Variants in PLEKHG3 observed in about 807,000 individuals in gnomAD.
PLEKHG3 encodes pleckstrin homology domain-containing family G member 3.
A neutral mutation model predicts 94.9 loss-of-function variants in PLEKHG3; 62 were observed. The ratio of observed to expected loss-of-function variants is 0.65; its 90% CI spans 0.53 to 0.81. The LOEUF is 0.81. Among genes scored for constraint, PLEKHG3 ranks in the 30% least tolerant of loss-of-function variants. The pLI, the probability that PLEKHG3 is intolerant of heterozygous loss-of-function variation, is 0.00. For synonymous variants in PLEKHG3, 614 were observed against 654.0 expected, an observed-to-expected ratio of 0.94 and a Z score of 0.93; for missense variants, 1,461 against 1,619.3, an observed-to-expected ratio of 0.90 and a Z score of 1.68.
intron 1 of PLEKHG3, among the ~76,000 whole-genome samples, chr14:64,711,760 T>C (rs563797224): frequency 6.6e-6 from 1 of 152,334 alleles, no homozygotes; most frequent in South Asian, 2.1e-4. Flanking sequence ...AAGTATACGA[T>C]TTACAGATAT....
intron 1 of PLEKHG3, among the ~76,000 whole-genome samples, chr14:64,710,992 T>G (rs2081059366): frequency 6.6e-6 from 1 of 152,176 alleles, no homozygotes; most frequent in Non-Finnish European, 1.5e-5. Context: ...GTGTAACGGA[T>G]TTTTAAAAGA....
In PLEKHG3 at chr14:64,730,984, G is replaced by A. The variant is rs1479996346; in HGVS notation, c.717+35G>A. The A allele has an allele frequency of 3.1e-6, 5 of 1,613,422 alleles. No individual in the cohort carries two copies. Among genetic ancestry groups the A allele is most frequent in the Non-Finnish European group, 4.2e-6 (5 of 1,179,972 alleles). On this transcript the variant is annotated intron_variant, in intron 6 of 16. Coordinates refer to ENST00000247226, the MANE Select transcript of PLEKHG3 (RefSeq NM_001308147.2). The surrounding 1 kb of genome is among the most constrained non-coding windows in gnomAD (Gnocchi z 5.4). ...CGGTCCTCCCAAGCACCTAGGGCCT[G>A]GGGAGGGCAGGGCCTTCGGGTCAGG...
At position 64,730,458 on chromosome 14, in the gene PLEKHG3, C is replaced by T. The variant is rs1161256797; in HGVS notation, c.519+146C>T. 4 of 745,778 alleles carry T rather than the reference C, an allele frequency of 5.4e-6. No homozygotes were observed. Among genetic ancestry groups the T allele is most frequent in the Non-Finnish European group, 9.1e-6 (4 of 439,204 alleles). The allele number at this position is 745,778 out of a possible 1,614,324, so 46.2% of individuals were successfully genotyped here. A position where few individuals can be genotyped will look rare whatever the true frequency, so the allele number is the denominator to read the frequency against. Reference sequence around the variant, plus strand: ...CTCTATCTTGAATGAGAAGGGTGTTCTGAGGGGAGCCAGGGCTGCTGGGTG... The same window carrying T: ...CTCTATCTTGAATGAGAAGGGTGTTTTGAGGGGAGCCAGGGCTGCTGGGTG... On this transcript the variant is annotated intron_variant, in intron 4 of 16. Coordinates refer to ENST00000247226, the MANE Select transcript of PLEKHG3 (RefSeq NM_001308147.2). This position sits in a 1 kb window ranked among gnomAD's most constrained non-coding sequence, Gnocchi z 5.4.
rs1161665315 is a variant in PLEKHG3 at position 64,731,702 on chromosome 14, C to G, written c.1033-12C>G. ...AACCTTGTGCTTGACTGTCCTTTCC[C>G]TCTGCCCCTAGTGCTCCTCCCTGAT... On this transcript the variant is annotated splice_polypyrimidine_tract_variant and intron_variant, in intron 8 of 16. Transcript: ENST00000247226. The surrounding 1 kb of genome is among the most constrained non-coding windows in gnomAD (Gnocchi z 6.1). 6.2e-7 allele frequency: 1 copy of G among 1,604,880 alleles called. No individual in the cohort carries two copies. Among genetic ancestry groups the G allele is most frequent in the Admixed American group, 1.7e-5 (1 of 60,004 alleles).
At position 64,717,273 on chromosome 14, in the gene PLEKHG3, C is replaced by T. The variant is rs2081184924; in HGVS notation, c.-39-10320C>T. Among the ~76,000 whole-genome samples, 5 of 152,276 alleles carry T rather than the reference C, an allele frequency of 3.3e-5. No homozygotes were observed. In the South Asian group the frequency reaches 1.0e-3, roughly 32 times the overall value. Reference sequence around the variant, plus strand: ...TGGAGCTCTTCTCTTGCTGTATCACCTTCGAAGAAGAGGCGAGGCCTGAGG... The same window carrying T: ...TGGAGCTCTTCTCTTGCTGTATCACTTTCGAAGAAGAGGCGAGGCCTGAGG... On this transcript the variant is annotated intron_variant, in intron 1 of 16. Transcript: ENST00000247226. The surrounding 1 kb of genome is among the most constrained non-coding windows in gnomAD (Gnocchi z 4.7).
chr14:64,729,038 C>G lies in PLEKHG3; in HGVS notation c.394C>G (p.Pro132Ala). 1 of 1,529,180 alleles carries G rather than the reference C, an allele frequency of 6.5e-7. No homozygotes were observed. Among genetic ancestry groups the G allele is most frequent in the Non-Finnish European group, 8.8e-7 (1 of 1,140,870 alleles). 94.7% of individuals were successfully genotyped at this position (1,529,180 alleles called of 1,614,324 possible). Residue 132 changes from proline (P) to alanine (A), a missense_variant, in exon 3 of 17, where the codon CCA (proline) becomes GCA (alanine). Physicochemically the swap from Pro to Ala is conservative, Grantham distance 27. This residue lies in a region of PLEKHG3 where 253 missense variants were observed against 297.8 expected (regional missense o/e 0.85). Coordinates refer to ENST00000247226, the MANE Select transcript of PLEKHG3 (RefSeq NM_001308147.2). ...CATTGACACACCCGGGCTGCTGAAG[C>G]CAGAACAGGTCAGCGCCCTCTTTGG... Reference protein sequence around the residue: ...KIIDTPGLLKPEQVSALFGNI... With the variant: ...KIIDTPGLLKAEQVSALFGNI...
chr14:64,732,050 C>A lies in PLEKHG3; in HGVS notation c.1126-45C>A. 1 of 1,385,224 alleles carries A rather than the reference C, an allele frequency of 7.2e-7. No individual in the cohort carries two copies. Among genetic ancestry groups the A allele is most frequent in the Non-Finnish European group, 1.0e-6 (1 of 971,114 alleles). 85.8% of individuals were successfully genotyped at this position (1,385,224 alleles called of 1,614,324 possible). ...ACTGTCCATGCTAGACAGCTTCAGG[C>A]CTGTAATGATAACCACTGGGTCCCT... On this transcript the variant is annotated intron_variant, in intron 9 of 16. Coordinates refer to ENST00000247226, the MANE Select transcript of PLEKHG3 (RefSeq NM_001308147.2). This position sits in a 1 kb window ranked among gnomAD's most constrained non-coding sequence, Gnocchi z 4.9.
chr14:64,736,829 C>T (rs1484137553), intron 12 of PLEKHG3, 24 bp from the exon 13 acceptor site: 1 of 1,602,100 alleles, frequency 6.2e-7, no homozygotes, highest in Admixed American at 1.7e-5. Flanking sequence ...CCCGCGCTGA[C>T]TCTGCTCATG....
In PLEKHG3 at chr14:64,727,729, G is replaced by T; in HGVS notation, c.98G>T (p.Arg33Leu). Residue 33 changes from arginine (R) to leucine (L), a missense_variant, in exon 2 of 17, where the codon CGC (arginine) becomes CTC (leucine). Arg to Leu is a moderately radical substitution (Grantham distance 102). This residue lies in a region of PLEKHG3 where 253 missense variants were observed against 297.8 expected (regional missense o/e 0.85). Coordinates refer to ENST00000247226, the MANE Select transcript of PLEKHG3 (RefSeq NM_001308147.2). The surrounding 1 kb of genome is among the most constrained non-coding windows in gnomAD (Gnocchi z 6.0). ...TSSSGSSCDS[R>L]SAMEEPSSSE... ...TCGTCGGGCTCCTCCTGTGACAGTC[G>T]CAGTGCCATGGAGGAGCCCAGCAGC... 1 of 1,611,830 alleles carries T rather than the reference G, an allele frequency of 6.2e-7. No homozygotes were observed. Among genetic ancestry groups the T allele is most frequent in the Non-Finnish European group, 8.5e-7 (1 of 1,179,388 alleles).
chr14:64,729,379 C>CA (rs1441652332), intron 3 of PLEKHG3, among the ~76,000 whole-genome samples: 1 of 152,010 alleles, frequency 6.6e-6, no homozygotes, highest in Non-Finnish European at 1.5e-5. Context: ...GGTTCTCTTC[C>CA]CTGTGGAAGA....
chr14:64,710,991 A>C (rs572913998), intron 1 of PLEKHG3, among the ~76,000 whole-genome samples: 53 of 152,282 alleles, frequency 3.5e-4, no homozygotes, highest in African/African-American at 1.2e-3. Context: ...TGTGTAACGG[A>C]TTTTTAAAAG....
Position 64,716,063 on chromosome 14 carries a change from G to A in PLEKHG3, c.-40+11359G>A. ...CCCGGCCCCTCGCCACCCTCGTGGT[G>A]CCCGGATGGGAGCTCTCCTGAGGAA... On this transcript the variant is annotated intron_variant, in intron 1 of 16. Transcript: ENST00000247226. The surrounding 1 kb of genome is among the most constrained non-coding windows in gnomAD (Gnocchi z 5.0). 2.2e-6 allele frequency: 1 copy of A among 456,318 alleles called. No individual in the cohort carries two copies. The highest frequency in any genetic ancestry group is 4.4e-6 in the Non-Finnish European group (1 of 226,722). 28.3% of individuals were successfully genotyped at this position (456,318 alleles called of 1,614,324 possible).
rs2081475499 is a variant in PLEKHG3 at position 64,731,945 on chromosome 14, C to T, written c.1125+139C>T. On this transcript the variant is annotated intron_variant, in intron 9 of 16. Coordinates refer to ENST00000247226, the MANE Select transcript of PLEKHG3 (RefSeq NM_001308147.2). The surrounding 1 kb of genome is among the most constrained non-coding windows in gnomAD (Gnocchi z 6.1). Reference sequence around the variant, plus strand: ...GTGAGGCAAGGATCATTGCAGGCACCTCTCAGGGTCAAAGTGAGGAGTCAG... The same window carrying T: ...GTGAGGCAAGGATCATTGCAGGCACTTCTCAGGGTCAAAGTGAGGAGTCAG... 2.4e-6 allele frequency: 2 copies of T among 835,972 alleles called. No individual in the cohort carries two copies. Among genetic ancestry groups the T allele is most frequent in the Non-Finnish European group, 4.0e-6 (2 of 498,882 alleles). The allele number at this position is 835,972 out of a possible 1,614,324, so 51.8% of individuals were successfully genotyped here. A position where few individuals can be genotyped will look rare whatever the true frequency, so the allele number is the denominator to read the frequency against.
Position 64,741,907 on chromosome 14 carries a change from A to G in PLEKHG3, c.2390A>G (p.Lys797Arg). The G allele has an allele frequency of 2.5e-6, 4 of 1,597,742 alleles. No individual in the cohort carries two copies. The highest frequency in any genetic ancestry group is 3.4e-6 in the Non-Finnish European group (4 of 1,173,078). Residue 797 changes from lysine to arginine, a missense_variant, in exon 16 of 17, where the codon AAA (lysine) becomes AGA (arginine). This residue lies in a region of PLEKHG3 where 1,201 missense variants were observed against 1,295.5 expected (regional missense o/e 0.93). Coordinates refer to ENST00000247226, the MANE Select transcript of PLEKHG3 (RefSeq NM_001308147.2). ...FELPGPSQAV[K>R]GDPPPISDAE... is the part of the protein sequence containing the mutation. ...CTCCCAGGACCAAGCCAGGCAGTCA[A>G]AGGGGACCCACCTCCCATCTCAGAT...
At position 64,743,217 on chromosome 14, in the gene PLEKHG3, C is replaced by T; in HGVS notation, c.3174C>T (p.Ala1058=). ...TCCGTGAGCTCTGCTCCAAGTATGC[C>T]TCCCGCGATGAGGCACGCCGAGCAG... ...PDVRELCSKY[A]SRDEARRAGG... The change falls in exon 17 of 17, where the codon GCC becomes GCT. Residue 1058 remains alanine, a synonymous_variant. Transcript: ENST00000247226. The surrounding 1 kb of genome is among the most constrained non-coding windows in gnomAD (Gnocchi z 7.2). 1 of 1,609,414 alleles carries T rather than the reference C, an allele frequency of 6.2e-7. No individual in the cohort carries two copies. Among genetic ancestry groups the T allele is most frequent in the Non-Finnish European group, 8.5e-7 (1 of 1,179,694 alleles).
rs2081791833 is a variant in PLEKHG3, at chr14:64,744,469, TGA to T, written c.*767_*768del. 1.3e-5 allele frequency: 2 copies of T among 152,382 alleles called. No homozygotes were observed. Among genetic ancestry groups the T allele is most frequent in the African/African-American group, 4.8e-5 (2 of 41,414 alleles). The allele number at this position is 152,382 out of a possible 1,614,324, so 9.4% of individuals were successfully genotyped here. On this transcript the variant is annotated 3_prime_UTR_variant, in exon 17 of 17. Transcript: ENST00000247226. Reference sequence around the variant, plus strand: ...CACACTCAATTGTCACTTGGGCTTATGAAACATAAGGCACCCGGGTACTGGTG... The same window carrying T: ...CACACTCAATTGTCACTTGGGCTTATAACATAAGGCACCCGGGTACTGGTG...
rs1040627950 is a variant in PLEKHG3 at position 64,746,361 on chromosome 14, G to A, written c.*2658G>A. ...TGGAAGCACGGTTGAGCAGGTGGAG[G>A]ACAGGACCCAGCTGGCCCCAGGGCC... On this transcript the variant is annotated 3_prime_UTR_variant, in exon 17 of 17. Coordinates refer to ENST00000247226, the MANE Select transcript of PLEKHG3 (RefSeq NM_001308147.2). The surrounding 1 kb of genome is among the most constrained non-coding windows in gnomAD (Gnocchi z 4.9). 3.9e-5 allele frequency: 6 copies of A among 152,576 alleles called. No individual in the cohort carries two copies. The highest frequency in any genetic ancestry group is 8.8e-5 in the Non-Finnish European group (6 of 68,048). 9.5% of individuals were successfully genotyped at this position (152,576 alleles called of 1,614,324 possible). A position where few individuals can be genotyped will look rare whatever the true frequency, so the allele number is the denominator to read the frequency against.
Position 64,726,847 on chromosome 14 carries a change from G to A in PLEKHG3, c.-39-746G>A, listed in dbSNP as rs1412085102. ...GTATCCAGAAAGTTTCAGGTTTGTGGTGAAGCCGCCGGTGCCCCTGAGGTT... is the reference window on the plus strand; with the variant it reads ...GTATCCAGAAAGTTTCAGGTTTGTGATGAAGCCGCCGGTGCCCCTGAGGTT... On this transcript the variant is annotated intron_variant, in intron 1 of 16. Transcript: ENST00000247226. The surrounding 1 kb of genome is among the most constrained non-coding windows in gnomAD (Gnocchi z 5.1). Among the ~76,000 whole-genome samples, 1 of 152,176 alleles carries A rather than the reference G, an allele frequency of 6.6e-6. No individual in the cohort carries two copies. Among genetic ancestry groups the A allele is most frequent in the African/African-American group, 2.4e-5 (1 of 41,440 alleles).
rs1033015838 is a variant in PLEKHG3, at chr14:64,725,908, C to T, written c.-39-1685C>T. On this transcript the variant is annotated intron_variant, in intron 1 of 16. Coordinates refer to ENST00000247226, the MANE Select transcript of PLEKHG3 (RefSeq NM_001308147.2). This position sits in a 1 kb window ranked among gnomAD's most constrained non-coding sequence, Gnocchi z 5.0. ...ATTGTTGTTCATTTGTTAAATTGGCCCTTAAGACCCCTGCTTTTTAGTAAC... is the reference window on the plus strand; with the variant it reads ...ATTGTTGTTCATTTGTTAAATTGGCTCTTAAGACCCCTGCTTTTTAGTAAC... Among the ~76,000 whole-genome samples the T allele has an allele frequency of 9.9e-5, 15 of 152,176 alleles. No homozygotes were observed. Among genetic ancestry groups the T allele is most frequent in the Non-Finnish European group, 1.9e-4 (13 of 68,038 alleles).
Sources: gnomAD v4.1 joint callset for allele counts (sites outside exome capture counted in the v4.1 genomes callset) on GRCh38, gnomAD v4.1.1 for gene constraint, gnomAD v4.1.1 regional missense constraint, Gnocchi (gnomAD v3.1) non-coding constraint, MANE v1.5 for transcripts, NCBI Gene and HGNC (gene_info 2026-07-23, HGNC 2026-07-21) for gene names.